The following PPP3CA variants were observed in gnomAD, a reference collection of about 807,000 sequenced individuals.
The protein encoded by PPP3CA is CAM-PRP catalytic subunit.
PPP3CA carries 14 observed loss-of-function variants against 66.5 expected under a neutral mutation model. The observed-to-expected ratio is 0.21, with a 90% confidence interval of 0.14 to 0.33. PPP3CA has a LOEUF of 0.33. Ranked by LOEUF, PPP3CA falls within the 10% of genes least tolerant of loss-of-function variation. The probability of loss-of-function intolerance (pLI) is 1.00; values close to 1 mark genes in which losing one functional copy is unlikely to be tolerated. For missense variants in PPP3CA, 317 were observed against 639.5 expected, an observed-to-expected ratio of 0.50 and a Z score of 5.44; for synonymous variants, 232 against 226.2, an observed-to-expected ratio of 1.03 and a Z score of -0.23.
At chr4:101,104,297 T>C (rs578092839) in intron 3 of PPP3CA, among the ~76,000 whole-genome samples, 4 of 152,300 alleles carry the variant, frequency 2.6e-5, no homozygotes, top group Admixed American at 2.0e-4. Context: ...TGAGCTCTTA[T>C]TTTAGGATTT....
intron 1 of PPP3CA, among the ~76,000 whole-genome samples, chr4:101,239,568 G>A (rs191009121): frequency 1.4e-4 from 22 of 152,086 alleles, no homozygotes; most frequent in African/African-American, 5.1e-4. Context: ...CCACACAAAA[G>A]CAAGTAGATG....
intron 2 of PPP3CA, among the ~76,000 whole-genome samples, chr4:101,185,542 A>G (rs1364529939): frequency 6.6e-6 from 1 of 152,176 alleles, no homozygotes; most frequent in African/African-American, 2.4e-5. Flanking sequence ...CAAACATTCT[A>G]ATTTTTACTT....
chr4:101,119,178 C>T (rs1041749899), intron 2 of PPP3CA, among the ~76,000 whole-genome samples: 5 of 151,784 alleles, frequency 3.3e-5, no homozygotes, highest in Non-Finnish European at 7.4e-5. Context: ...AAAAGTTGTT[C>T]TATATTTTTC....
At chr4:101,193,450 CAGTCT>C (rs1379185034) in intron 2 of PPP3CA, among the ~76,000 whole-genome samples, 1 of 152,030 alleles carries the variant, frequency 6.6e-6, no homozygotes, top group Admixed American at 6.6e-5. Context: ...AAACAGCTAC[CAGTCT>C]AGTCAGCCAT....
chr4:101,069,889 C>T (rs1578418410), intron 8 of PPP3CA, among the ~76,000 whole-genome samples: 2 of 152,204 alleles, frequency 1.3e-5, no homozygotes, highest in East Asian at 1.9e-4. Flanking sequence ...ACACACATAA[C>T]ATACAAAATA....
At chr4:101,048,910 T>C (rs2110216499) in intron 10 of PPP3CA, among the ~76,000 whole-genome samples, 1 of 152,264 alleles carries the variant, frequency 6.6e-6, no homozygotes, top group Admixed American at 6.6e-5. Flanking sequence ...ATGTAATTTT[T>C]TTTAAAAAAG....
rs1403289502 is a variant in PPP3CA, at chr4:101,061,108, A to C, written c.1135T>G (p.Ser379Ala). Residue 379 changes from serine (S) to alanine (A), a missense_variant, in exon 10 of 14, where the codon TCA becomes GCA. Physicochemically the swap from Ser to Ala is moderately conservative, Grantham distance 99 (BLOSUM62 1). Transcript: ENST00000394854. The stretch of plus-strand genomic sequence containing the variant: ...TTACCATCAAATCCATCTTCTTCTG[A>C]CCCTAGTTCATCATCTGAGCAGATG... ...LNICSDDELGSEEDGFDGATA... is the reference protein window; with the variant it reads ...LNICSDDELGAEEDGFDGATA... 1.9e-6 allele frequency: 3 copies of C among 1,612,150 alleles called. No individual in the cohort carries two copies. In the South Asian group the frequency reaches 3.3e-5, roughly 18 times the overall value.
intron 2 of PPP3CA, among the ~76,000 whole-genome samples, chr4:101,131,506 AG>A (rs1432877746): frequency 6.6e-6 from 1 of 151,996 alleles, no homozygotes; most frequent in Non-Finnish European, 1.5e-5. Context: ...AAGACAAAGA[AG>A]GGCATTACAT....
chr4:101,115,484 A>G (rs2110268691), intron 2 of PPP3CA, among the ~76,000 whole-genome samples: 1 of 152,062 alleles, frequency 6.6e-6, no homozygotes, highest in African/African-American at 2.4e-5. Flanking sequence ...AAATTTAGCA[A>G]ATCTACAAAT....
In PPP3CA at chr4:101,313,144, ATCTC is replaced by A. The variant is rs199595261; in HGVS notation, c.58+33591_58+33594del. The stretch of plus-strand genomic sequence containing the variant: ...GACTGTATTTTTTTTTATTATAAAC[ATCTC>A]TCTCTCAGTTTTTAATACCACAAAA... On this transcript the variant is annotated intron_variant, in intron 1 of 13. Coordinates refer to ENST00000394854, the MANE Select transcript of PPP3CA (RefSeq NM_000944.5). Among the ~76,000 whole-genome samples the A allele has an allele frequency of 2.9e-3, 436 of 152,056 alleles. 4 individuals carry two copies. The East Asian group carries it at 0.046, about 16-fold the overall frequency.
At chr4:101,167,743 G>C (rs1043295794) in intron 2 of PPP3CA, among the ~76,000 whole-genome samples, 2 of 152,130 alleles carry the variant, frequency 1.3e-5, no homozygotes, top group African/African-American at 4.8e-5. Context: ...GACACAGAAG[G>C]TCAGGGCTGG....
intron 2 of PPP3CA, among the ~76,000 whole-genome samples, chr4:101,156,710 T>C (rs1271714289): frequency 6.6e-6 from 1 of 151,828 alleles, no homozygotes; most frequent in Non-Finnish European, 1.5e-5. Flanking sequence ...AAAGCCATAC[T>C]CCAGGGACAA....
chr4:101,056,093 A>G (rs1578407779), intron 10 of PPP3CA, among the ~76,000 whole-genome samples: 1 of 152,276 alleles, frequency 6.6e-6, no homozygotes, highest in Non-Finnish European at 1.5e-5. Context: ...GAGCCTGACA[A>G]CCAAGCAGAC....
intron 1 of PPP3CA, among the ~76,000 whole-genome samples, chr4:101,329,340 G>A (rs961524387): frequency 6.6e-6 from 1 of 152,196 alleles, no homozygotes; most frequent in Non-Finnish European, 1.5e-5. Flanking sequence ...AAGGCTGAGA[G>A]AGGTGAGGAA....
At chr4:101,222,879 A>G (rs1409248405) in intron 1 of PPP3CA, among the ~76,000 whole-genome samples, 1 of 151,808 alleles carries the variant, frequency 6.6e-6, no homozygotes, top group Non-Finnish European at 1.5e-5. Context: ...GAGCTAGATT[A>G]GCTGCAAAGA....
intron 2 of PPP3CA, among the ~76,000 whole-genome samples, chr4:101,123,360 G>A (rs542386049): frequency 6.6e-6 from 1 of 152,278 alleles, no homozygotes; most frequent in Admixed American, 6.5e-5. Context: ...AAGTCTCCTG[G>A]AGGATGTGGT....
At chr4:101,292,402 T>C (rs756740223) in intron 1 of PPP3CA, among the ~76,000 whole-genome samples, 4 of 152,316 alleles carry the variant, frequency 2.6e-5, no homozygotes, top group South Asian at 4.1e-4. Flanking sequence ...GCTGAGAGCT[T>C]ATCAGAAGAG....
intron 1 of PPP3CA, among the ~76,000 whole-genome samples, chr4:101,225,004 C>A (rs1725736263): frequency 6.6e-6 from 1 of 151,782 alleles, no homozygotes; most frequent in Admixed American, 6.6e-5. Flanking sequence ...AGCAGACACA[C>A]CCCTGCCTCA....
At chr4:101,248,561 G>A (rs1311773890) in intron 1 of PPP3CA, among the ~76,000 whole-genome samples, 1 of 152,062 alleles carries the variant, frequency 6.6e-6, no homozygotes, top group African/African-American at 2.4e-5. Flanking sequence ...AACTGCTCTG[G>A]GGAAGGGGTT....
Sources: allele counts gnomAD v4.1 joint callset (sites outside exome capture counted in the v4.1 genomes callset), GRCh38; gene constraint gnomAD v4.1.1; transcripts MANE v1.5; gene names NCBI Gene and HGNC (gene_info 2026-07-23, HGNC 2026-07-21).